The following BACH2 variants were observed in gnomAD, a reference collection of about 807,000 sequenced individuals.
BACH2 encodes transcription regulator protein BACH2.
Under a neutral mutation model 61.8 loss-of-function variants are expected in BACH2, and 5 were observed. The ratio of observed to expected loss-of-function variants is 0.08; its 90% CI spans 0.04 to 0.17. BACH2 has a LOEUF of 0.17. Ranked by LOEUF, BACH2 falls within the 10% of genes least tolerant of loss-of-function variation. BACH2 has a pLI of 1.00. For missense variants in BACH2, 824 were observed against 1,091.1 expected (o/e 0.76, Z 3.45); for synonymous variants, 446 against 440.1 (o/e 1.01, Z -0.17).
At chr6:90,041,962 T>TA (rs1224233071) in intron 5 of BACH2, among the ~76,000 whole-genome samples, 1 of 152,212 alleles carries the variant, frequency 6.6e-6, no homozygotes, top group Non-Finnish European at 1.5e-5. Flanking sequence ...CATTTATTTC[T>TA]ATTTTTCTTA....
At chr6:90,290,745 TTG>T (rs1772153450) in intron 1 of BACH2, among the ~76,000 whole-genome samples, 3 of 152,192 alleles carry the variant, frequency 2.0e-5, no homozygotes, top group Admixed American at 6.5e-5. Flanking sequence ...CTGGAAAGTC[TTG>T]AGGAAATTCC....
At chr6:90,210,957 C>T (rs1037475617) in intron 3 of BACH2, among the ~76,000 whole-genome samples, 4 of 151,780 alleles carry the variant, frequency 2.6e-5, no homozygotes, top group Admixed American at 6.6e-5. Flanking sequence ...GTCAGGAGTA[C>T]CAGCCTGGCC....
intron 6 of BACH2, among the ~76,000 whole-genome samples, chr6:89,966,713 T>A (rs1214917170): frequency 6.6e-6 from 1 of 152,226 alleles, no homozygotes; most frequent in Admixed American, 6.5e-5. Flanking sequence ...CATTTTTACC[T>A]GAAGCCATTG....
chr6:90,065,095 T>A (rs1171516842), intron 5 of BACH2, among the ~76,000 whole-genome samples: 4 of 144,756 alleles, frequency 2.8e-5, no homozygotes, highest in Non-Finnish European at 6.1e-5. Context: ...ACCAAAGGCA[T>A]AACAGAAAAC....
chr6:90,243,046 A>ATTT lies in BACH2; in HGVS notation c.-275+9464_-275+9466dup, dbSNP rs397886318. Among the ~76,000 whole-genome samples, 23 of 101,240 alleles carry ATTT rather than the reference A, an allele frequency of 2.3e-4. 1 individual carries two copies. Among genetic ancestry groups the ATTT allele is most frequent in the East Asian group, 1.9e-3 (8 of 4,188 alleles). The allele number at this position is 101,240 out of a possible 152,430, so 66.4% of individuals were successfully genotyped here. A position where few individuals can be genotyped will look rare whatever the true frequency, so the allele number is the denominator to read the frequency against. Reference sequence around the variant, plus strand: ...AGGGATACACCACCATGCCCGGCTAATTTTTTTTTTTTTTTTTTTTTTTTT... The same window carrying ATTT: ...AGGGATACACCACCATGCCCGGCTAATTTTTTTTTTTTTTTTTTTTTTTTTTTT... On this transcript the variant is annotated intron_variant, in intron 3 of 8. Transcript: ENST00000257749.
intron 3 of BACH2, among the ~76,000 whole-genome samples, chr6:90,222,285 T>C (rs1769760778): frequency 6.6e-6 from 1 of 152,108 alleles, no homozygotes; most frequent in Non-Finnish European, 1.5e-5. Context: ...TTGGTTTTAT[T>C]TCATGAGACA....
intron 4 of BACH2, among the ~76,000 whole-genome samples, chr6:90,124,211 T>C (rs543259492): frequency 6.6e-6 from 1 of 152,292 alleles, no homozygotes; most frequent in South Asian, 2.1e-4. Context: ...CAGCCAACTT[T>C]TAAAAAAACG....
At chr6:90,173,786 C>T (rs1767896677) in intron 4 of BACH2, among the ~76,000 whole-genome samples, 1 of 152,132 alleles carries the variant, frequency 6.6e-6, no homozygotes, top group African/African-American at 2.4e-5. Flanking sequence ...CAAAATTCAT[C>T]AAACTGTACA....
chr6:90,295,782 C>G (rs1772339082), intron 1 of BACH2, among the ~76,000 whole-genome samples: 1 of 152,268 alleles, frequency 6.6e-6, no homozygotes, highest in Admixed American at 6.5e-5. Context: ...GGGACGCTTT[C>G]CGACAACCCG....
At chr6:90,188,018 C>A (rs1482229254) in intron 4 of BACH2, among the ~76,000 whole-genome samples, 1 of 152,048 alleles carries the variant, frequency 6.6e-6, no homozygotes, top group African/African-American at 2.4e-5. Context: ...GGCAAGGGAG[C>A]CCAGTGGTCA....
chr6:90,095,950 C>A (rs1562440755), intron 4 of BACH2, among the ~76,000 whole-genome samples: 1 of 152,302 alleles, frequency 6.6e-6, no homozygotes, highest in Admixed American at 6.5e-5. Context: ...GGAGACAGGA[C>A]AACATGCAAT....
At chr6:90,178,734 T>C (rs980595846) in intron 4 of BACH2, among the ~76,000 whole-genome samples, 38 of 152,334 alleles carry the variant, frequency 2.5e-4, no homozygotes, top group African/African-American at 8.9e-4. Flanking sequence ...TTCACTTTTA[T>C]TTAAGGAGCT....
intron 4 of BACH2, among the ~76,000 whole-genome samples, chr6:90,128,797 G>A (rs1783975592): frequency 6.6e-6 from 1 of 152,132 alleles, no homozygotes; most frequent in Admixed American, 6.5e-5. Context: ...CAATAGCAAA[G>A]ACTTTGAACC....
chr6:90,219,079 A>G (rs1230389560), intron 3 of BACH2, among the ~76,000 whole-genome samples: 1 of 152,068 alleles, frequency 6.6e-6, no homozygotes, highest in Non-Finnish European at 1.5e-5. Context: ...AAAAGAAAAA[A>G]AATTGTTGTT....
At chr6:90,081,699 CT>C (rs952420239) in intron 5 of BACH2, among the ~76,000 whole-genome samples, 5 of 145,644 alleles carry the variant, frequency 3.4e-5, no homozygotes, top group Non-Finnish European at 4.5e-5. Flanking sequence ...CAGACTTTTT[CT>C]TTTTTTTTTA....
chr6:90,190,510 AAACACTCC>A (rs1248516124), intron 4 of BACH2, among the ~76,000 whole-genome samples: 2 of 152,240 alleles, frequency 1.3e-5, no homozygotes, highest in Non-Finnish European at 2.9e-5. Flanking sequence ...TCTATAGTAA[AAACACTCC>A]AAGTTTCCCT....
chr6:90,077,648 T>C (rs80250106), intron 5 of BACH2, among the ~76,000 whole-genome samples: 57 of 152,206 alleles, frequency 3.7e-4, no homozygotes, highest in African/African-American at 1.2e-3. Context: ...TTGAAGAGGA[T>C]TGAAAAACAA....
At chr6:90,121,004 A>G (rs1783600816) in intron 4 of BACH2, among the ~76,000 whole-genome samples, 1 of 152,242 alleles carries the variant, frequency 6.6e-6, no homozygotes, top group Non-Finnish European at 1.5e-5. Flanking sequence ...GATATGATTG[A>G]GACAACTGTG....
intron 4 of BACH2, among the ~76,000 whole-genome samples, chr6:90,185,317 C>G (rs1768317989): frequency 6.6e-6 from 1 of 152,140 alleles, no homozygotes; most frequent in Non-Finnish European, 1.5e-5. Context: ...GGACCGAAAG[C>G]TGGATTCTCA....
Sources: allele counts gnomAD v4.1 joint callset (sites outside exome capture counted in the v4.1 genomes callset), GRCh38; gene constraint gnomAD v4.1.1; transcripts MANE v1.5; gene names NCBI Gene and HGNC (gene_info 2026-07-23, HGNC 2026-07-21).